Variants in CXCL14 observed in about 807,000 individuals in gnomAD.
The protein encoded by CXCL14 is C-X-C motif chemokine ligand 14, also known as C-X-C motif chemokine 14.
In CXCL14, 9 loss-of-function variants were observed where a neutral mutation model predicts 16.1. The ratio of observed to expected loss-of-function variants is 0.56; its 90% CI spans 0.34 to 0.97. CXCL14 has a LOEUF of 0.97. Among genes scored for constraint, CXCL14 ranks in the 50% least tolerant of loss-of-function variants. CXCL14 has a pLI of 0.02. For synonymous variants in CXCL14, 55 were observed against 52.8 expected (o/e 1.04, Z -0.18); for missense variants, 111 against 132.5 (o/e 0.84, Z 0.80).
At chr5:135,574,825 G>C (rs1237061221) in intron 2 of CXCL14, 140 bp from the exon 3 acceptor site, 13 of 680,308 alleles carry the variant, frequency 1.9e-5, no homozygotes, top group Non-Finnish European at 3.1e-5. Context: ...GAGCCGACTT[G>C]TGTGCTCACT....
chr5:135,574,792 T>C, intron 2 of CXCL14, 107 bp from the exon 3 acceptor site: 1 of 884,992 alleles, frequency 1.1e-6, no homozygotes, highest in Admixed American at 2.1e-5. Context: ...TGAGAGACTG[T>C]GGCTTCCTGC....
chr5:135,578,892 G>C lies in CXCL14; in HGVS notation c.-114C>G, dbSNP rs1253027055. The C allele has an allele frequency of 8.5e-7, 1 of 1,181,482 alleles. No homozygotes were observed. The highest frequency in any genetic ancestry group is 1.1e-6 in the Non-Finnish European group (1 of 887,806). The allele number at this position is 1,181,482 out of a possible 1,614,324, so 73.2% of individuals were successfully genotyped here. A position where few individuals can be genotyped will look rare whatever the true frequency, so the allele number is the denominator to read the frequency against. On this transcript the variant is annotated 5_prime_UTR_variant, in exon 1 of 4. Transcript: ENST00000512158. ...GCTCGGCTTTCTCTGCCCGGGGCGC[G>C]CCTTCCGGCTCTGCTGGCTCCGGCT... is the stretch of plus-strand genomic sequence containing the variant.
chr5:135,577,066 T>C (rs1580694734), intron 2 of CXCL14, among the ~76,000 whole-genome samples: 1 of 152,194 alleles, frequency 6.6e-6, no homozygotes, highest in Non-Finnish European at 1.5e-5. Context: ...TTTCTCTATA[T>C]GTGGAAAAGT....
chr5:135,576,943 G>C (rs1015597233), intron 2 of CXCL14, among the ~76,000 whole-genome samples: 5 of 152,158 alleles, frequency 3.3e-5, no homozygotes, highest in African/African-American at 1.2e-4. Context: ...GGCCCTAGGG[G>C]GTGGGTTAGA....
In CXCL14 at chr5:135,574,693, G is replaced by A. The variant is rs764122117; in HGVS notation, c.171-8C>T. 1.1e-5 allele frequency: 18 copies of A among 1,608,774 alleles called. No individual in the cohort carries two copies. Among genetic ancestry groups the A allele is most frequent in the South Asian group, 5.5e-5 (5 of 90,928 alleles). ...ACGCTCTTGGTGGTGATGCTGAAACGGAGCAGGATGAGGTGGAGGGTTGAG... is the reference window on the plus strand; with the variant it reads ...ACGCTCTTGGTGGTGATGCTGAAACAGAGCAGGATGAGGTGGAGGGTTGAG... On this transcript the variant is annotated splice_region_variant and splice_polypyrimidine_tract_variant and intron_variant, in intron 2 of 3. Coordinates refer to ENST00000512158, the MANE Select transcript of CXCL14 (RefSeq NM_004887.5).
At position 135,570,767 on chromosome 5, in the gene CXCL14, C is replaced by T. The variant is rs1751012592; in HGVS notation, c.*1086G>A. ...CAATGCTAATGGTTTCTGACATGTA[C>T]ATAGCATATAACACAGCAGTACAAT... On this transcript the variant is annotated 3_prime_UTR_variant, in exon 4 of 4. Transcript: ENST00000512158. 1 of 151,812 alleles carries T rather than the reference C, an allele frequency of 6.6e-6. No individual in the cohort carries two copies. Among genetic ancestry groups the T allele is most frequent in the Admixed American group, 6.6e-5 (1 of 15,254 alleles). The allele number at this position is 151,812 out of a possible 1,614,324, so 9.4% of individuals were successfully genotyped here.
chr5:135,574,667 C>G lies in CXCL14; in HGVS notation c.189G>C (p.Val63=). The G allele has an allele frequency of 6.2e-7, 1 of 1,613,756 alleles. No individual in the cohort carries two copies. The highest frequency in any genetic ancestry group is 2.2e-5 in the East Asian group (1 of 44,872). ...AGTGCTCCTGACCTCGGTACCTGGA[C>G]ACGCTCTTGGTGGTGATGCTGAAAC... ...EKMVIITTKS[V]SRYRGQEHCL... Residue 63 remains valine, a synonymous_variant, in exon 3 of 4, where the codon GTG becomes GTC. Transcript: ENST00000512158.
intron 3 of CXCL14, among the ~76,000 whole-genome samples, chr5:135,573,314 C>G (rs776894764): frequency 3.9e-5 from 6 of 152,224 alleles, no homozygotes; most frequent in Non-Finnish European, 8.8e-5. Context: ...GGCTTCATTC[C>G]CAGCAGATTT....
chr5:135,578,164 T>C (rs1751143044), intron 2 of CXCL14, among the ~76,000 whole-genome samples: 1 of 152,110 alleles, frequency 6.6e-6, no homozygotes, highest in Admixed American at 6.5e-5. Flanking sequence ...GGGTGGCCCA[T>C]GGTACAAATA....
In CXCL14 at chr5:135,574,656, C is replaced by T. The variant is rs769556145; in HGVS notation, c.200G>A (p.Arg67Gln). Residue 67 changes from arginine (R) to glutamine (Q), a missense_variant, in exon 3 of 4, where the codon CGA (arginine) becomes CAA (glutamine). Transcript: ENST00000512158. Reference sequence around the variant, plus strand: ...GGGGTGCAGGCAGTGCTCCTGACCTCGGTACCTGGACACGCTCTTGGTGGT... The same window carrying T: ...GGGGTGCAGGCAGTGCTCCTGACCTTGGTACCTGGACACGCTCTTGGTGGT... Reference protein sequence around the residue: ...IITTKSVSRYRGQEHCLHPKL... With the variant: ...IITTKSVSRYQGQEHCLHPKL... The T allele has an allele frequency of 9.9e-6, 16 of 1,613,642 alleles. No homozygotes were observed. Among genetic ancestry groups the T allele is most frequent in the South Asian group, 5.5e-5 (5 of 91,050 alleles).
intron 3 of CXCL14, among the ~76,000 whole-genome samples, chr5:135,573,450 G>A (rs1449105819): frequency 6.6e-6 from 1 of 152,212 alleles, no homozygotes; most frequent in Non-Finnish European, 1.5e-5. Context: ...GGGAGAGCTG[G>A]TCACAGGGCT....
At chr5:135,573,782 T>G (rs10054204) in intron 3 of CXCL14, among the ~76,000 whole-genome samples, 23,893 of 151,644 alleles carry the variant, frequency 0.16, 1,992 homozygotes, top group East Asian at 0.3. Context: ...GTAAACAGAC[T>G]CTGCGTATCT....
chr5:135,578,287 G>A, intron 2 of CXCL14, 147 bp downstream of exon 2: 1 of 669,172 alleles, frequency 1.5e-6, no homozygotes, highest in Non-Finnish European at 2.6e-6. Flanking sequence ...AGCGTCCTAA[G>A]GACTCTCTGG....
At chr5:135,574,926 C>T (rs1482059616) in intron 2 of CXCL14, among the ~76,000 whole-genome samples, 2 of 152,188 alleles carry the variant, frequency 1.3e-5, no homozygotes, top group African/African-American at 4.8e-5. Context: ...GCAGCCCTCA[C>T]TTTTCCCCTG....
At chr5:135,572,001 G>T in intron 3 of CXCL14, 133 bp from the exon 4 acceptor site, 1 of 797,906 alleles carries the variant, frequency 1.3e-6, no homozygotes. Context: ...GAACCCCCAG[G>T]AGAAGTGGGA....
intron 3 of CXCL14, among the ~76,000 whole-genome samples, chr5:135,572,766 C>T (rs1403293623): frequency 2.0e-5 from 3 of 152,340 alleles, no homozygotes; most frequent in Admixed American, 2.0e-4. Flanking sequence ...TCTGTGTGGC[C>T]CCCATGGGCC....
At chr5:135,573,063 T>C (rs1751049819) in intron 3 of CXCL14, among the ~76,000 whole-genome samples, 1 of 151,332 alleles carries the variant, frequency 6.6e-6, no homozygotes, top group African/African-American at 2.4e-5. Context: ...CAGGGCCATG[T>C]TTAGACCTGT....
In CXCL14 at chr5:135,572,259, G is replaced by C. The variant is rs1361170546; in HGVS notation, c.285-391C>G. On this transcript the variant is annotated intron_variant, in intron 3 of 3. Transcript: ENST00000512158. ...TGGCGGGCTGCTCCCACACCTCCTT[G>C]TTTCTTTCCGCGTCTGTACTCAGCC... Among the ~76,000 whole-genome samples, 3 of 152,182 alleles carry C rather than the reference G, an allele frequency of 2.0e-5. No homozygotes were observed. The East Asian group carries it at 5.8e-4, about 29-fold the overall frequency.
Position 135,574,629 on chromosome 5 carries a change from T to C in CXCL14, c.227A>G (p.Lys76Arg). 6.2e-7 allele frequency: 1 copy of C among 1,613,672 alleles called. No homozygotes were observed. The highest frequency in any genetic ancestry group is 8.5e-7 in the Non-Finnish European group (1 of 1,179,908). ...GATGAAGCGCTTGGTGCTCTGCAGC[T>C]TGGGGTGCAGGCAGTGCTCCTGACC... ...YRGQEHCLHP[K>R]LQSTKRFIKW... The change falls in exon 3 of 4, where the codon AAG (lysine) becomes AGG (arginine). Residue 76 changes from lysine to arginine, a missense_variant. Transcript: ENST00000512158.
Sources: gnomAD v4.1 joint callset for allele counts (sites outside exome capture counted in the v4.1 genomes callset) on GRCh38, gnomAD v4.1.1 for gene constraint, MANE v1.5 for transcripts, NCBI Gene and HGNC (gene_info 2026-07-23, HGNC 2026-07-21) for gene names.